Variants in HPN observed in about 807,000 individuals in gnomAD.
HPN encodes the protein serine protease hepsin.
A neutral mutation model predicts 55.9 loss-of-function variants in HPN; 13 were observed. The ratio of observed to expected loss-of-function variants is 0.23; its 90% CI spans 0.15 to 0.37. The LOEUF is 0.37. Among genes scored for constraint, HPN ranks in the 10% least tolerant of loss-of-function variants. The pLI is 1.00. For missense variants in HPN, 451 were observed against 575.8 expected (o/e 0.78, Z 2.22); for synonymous variants, 225 against 240.3 (o/e 0.94, Z 0.59).
At chr19:35,053,398 A>AC (rs898928273) in intron 4 of HPN, among the ~76,000 whole-genome samples, 31 of 152,056 alleles carry the variant, frequency 2.0e-4, no homozygotes, top group East Asian at 5.8e-4. Context: ...GGTGATGAGG[A>AC]CCCCCCAGCT....
intron 4 of HPN, among the ~76,000 whole-genome samples, chr19:35,054,927 G>A (rs778342974): frequency 2.0e-5 from 3 of 152,110 alleles, no homozygotes; most frequent in Non-Finnish European, 2.9e-5. Flanking sequence ...GCCTCACCAG[G>A]TTCCTTCTAA....
At position 35,059,896 on chromosome 19, in the gene HPN, G is replaced by C; in HGVS notation, c.313G>C (p.Asp105His). 1 of 1,510,264 alleles carries C rather than the reference G, an allele frequency of 6.6e-7. No individual in the cohort carries two copies. The highest frequency in any genetic ancestry group is 8.9e-7 in the Non-Finnish European group (1 of 1,129,666). 93.6% of individuals were successfully genotyped at this position (1,510,264 alleles called of 1,614,324 possible). ...CAGGGCACTGACCCACTCCGAGCTGGACGTGCGAACGGCGGGCGCCAATGG... is the reference window on the plus strand; with the variant it reads ...CAGGGCACTGACCCACTCCGAGCTGCACGTGCGAACGGCGGGCGCCAATGG... ...FLRALTHSEL[D>H]VRTAGANGTS... Residue 105 changes from aspartate (D) to histidine (H), a missense_variant, in exon 6 of 13, where the codon GAC becomes CAC. By Grantham distance (81) the Asp-to-His change is moderately conservative. Around this residue, in one of 2 missense-constraint regions of HPN, gnomAD observed 378 missense variants for 445.5 expected, o/e 0.85. Coordinates refer to ENST00000672452, the MANE Select transcript of HPN (RefSeq NM_001384133.1).
chr19:35,052,933 G>A (rs751517991), intron 4 of HPN, among the ~76,000 whole-genome samples: 19 of 152,290 alleles, frequency 1.2e-4, no homozygotes, highest in Non-Finnish European at 1.9e-4. Flanking sequence ...GCACCACGCC[G>A]CCACCCTGCA....
chr19:35,065,961 G>C lies in HPN; in HGVS notation c.1144G>C (p.Ala382Pro). ...CATTGTGAGTTGGGGCACTGGCTGT[G>C]CCCTGGCCCAGAAGCCAGGCGTCTA... is the stretch of plus-strand genomic sequence containing the variant. ...CGIVSWGTGC[A>P]LAQKPGVYTK... The change falls in exon 12 of 13, where the codon GCC (alanine) becomes CCC (proline). Residue 382 changes from alanine to proline, a missense_variant. Physicochemically the swap from Ala to Pro is conservative, Grantham distance 27. This residue lies in a region of HPN where 73 missense variants were observed against 130.3 expected (regional missense o/e 0.56). Coordinates refer to ENST00000672452, the MANE Select transcript of HPN (RefSeq NM_001384133.1). 6.2e-7 allele frequency: 1 copy of C among 1,613,750 alleles called. No homozygotes were observed. The highest frequency in any genetic ancestry group is 8.5e-7 in the Non-Finnish European group (1 of 1,180,030).
In HPN at chr19:35,066,236, T is replaced by C. The variant is rs2064607870; in HGVS notation, c.1216-13T>C. 6.2e-7 allele frequency: 1 copy of C among 1,613,916 alleles called. No homozygotes were observed. The highest frequency in any genetic ancestry group is 1.7e-5 in the Admixed American group (1 of 59,994). Reference sequence around the variant, plus strand: ...CTCTCAGACCTCGGGAGCCCCCAGCTGTCTTTCCCCAGACTCACTCCGAAG... The same window carrying C: ...CTCTCAGACCTCGGGAGCCCCCAGCCGTCTTTCCCCAGACTCACTCCGAAG... On this transcript the variant is annotated splice_polypyrimidine_tract_variant and intron_variant, in intron 12 of 12. Transcript: ENST00000672452.
chr19:35,051,770 G>A (rs1013693865), intron 4 of HPN, among the ~76,000 whole-genome samples: 3 of 152,138 alleles, frequency 2.0e-5, no homozygotes, highest in African/African-American at 7.2e-5. Flanking sequence ...TTACCCAGCA[G>A]GCCTATGAAG....
At chr19:35,064,965 G>A (rs892844812) in intron 9 of HPN, among the ~76,000 whole-genome samples, 1 of 152,124 alleles carries the variant, frequency 6.6e-6, no homozygotes, top group Non-Finnish European at 1.5e-5. Flanking sequence ...GGGATTACAG[G>A]TGCGTGCCAC....
intron 2 of HPN, among the ~76,000 whole-genome samples, chr19:35,043,621 A>C (rs2064315162): frequency 6.6e-6 from 1 of 152,172 alleles, no homozygotes. Flanking sequence ...ATTAGTTCAG[A>C]TCTCTGGCCT....
intron 4 of HPN, 46 bp downstream of exon 4, chr19:35,049,562 C>CGTGT (rs749474169): frequency 6.5e-7 from 1 of 1,539,838 alleles, no homozygotes; most frequent in South Asian, 1.2e-5. Flanking sequence ...CTGGAGGACA[C>CGTGT]GTGTATCTGG....
chr19:35,043,111 C>T (rs1239808761), intron 2 of HPN, among the ~76,000 whole-genome samples: 1 of 152,146 alleles, frequency 6.6e-6, no homozygotes, highest in Non-Finnish European at 1.5e-5. Flanking sequence ...CCCAGAGACC[C>T]AGGACCCCCA....
chr19:35,064,715 T>C (rs974750438), intron 9 of HPN, among the ~76,000 whole-genome samples: 1 of 152,148 alleles, frequency 6.6e-6, no homozygotes, highest in African/African-American at 2.4e-5. Flanking sequence ...TGGGATAATA[T>C]AGACCCTACC....
intron 2 of HPN, among the ~76,000 whole-genome samples, chr19:35,043,834 G>A (rs1451048362): frequency 1.3e-5 from 2 of 152,254 alleles, no homozygotes; most frequent in Non-Finnish European, 2.9e-5. Context: ...GGGTGAATGA[G>A]CCAGGGAAGA....
At position 35,060,670 on chromosome 19, in the gene HPN, G is replaced by A. The variant is rs141619716; in HGVS notation, c.664G>A (p.Val222Met). 133 of 1,614,028 alleles carry A rather than the reference G, an allele frequency of 8.2e-5. No individual in the cohort carries two copies. Among genetic ancestry groups the A allele is most frequent in the Non-Finnish European group, 1.0e-4 (122 of 1,180,048 alleles). Residue 222 changes from valine (V) to methionine (M), a missense_variant, in exon 9 of 13, where the codon GTG becomes ATG. This residue lies in a region of HPN where 378 missense variants were observed against 445.5 expected (regional missense o/e 0.85). Transcript: ENST00000672452. ...LSRWRVFAGA[V>M]AQASPHGLQL... ...CCGATGGCGAGTGTTTGCCGGTGCC[G>A]TGGCCCAGGCCTCTCCCCACGGTCT...
chr19:35,053,511 G>A (rs187248365), intron 4 of HPN, among the ~76,000 whole-genome samples: 3 of 152,120 alleles, frequency 2.0e-5, no homozygotes, highest in South Asian at 2.1e-4. Context: ...AGCACTTTGG[G>A]AGGCCCAAAT....
rs370684730 is a variant in HPN, at chr19:35,056,674, A to G, written c.161-2999A>G. Among the ~76,000 whole-genome samples, 372 of 152,212 alleles carry G rather than the reference A, an allele frequency of 2.4e-3. 1 individual carries two copies. The highest frequency in any genetic ancestry group is 8.5e-3 in the African/African-American group (351 of 41,524). The stretch of plus-strand genomic sequence containing the variant: ...TTTGGCTGGGTGACATTTTATGGCC[A>G]TCTGTCTCCCTATCCCCTATAATGT... On this transcript the variant is annotated intron_variant, in intron 4 of 12. Coordinates refer to ENST00000672452, the MANE Select transcript of HPN (RefSeq NM_001384133.1).
At chr19:35,059,573 C>A in intron 4 of HPN, 100 bp from the exon 5 acceptor site, 1 of 1,462,336 alleles carries the variant, frequency 6.8e-7, no homozygotes, top group Non-Finnish European at 9.3e-7. Flanking sequence ...ACGTCTACAC[C>A]ACATGGCTGG....
intron 11 of HPN, 45 bp from the exon 12 acceptor site, chr19:35,065,823 T>A (rs763958561): frequency 1.2e-6 from 2 of 1,610,202 alleles, no homozygotes; most frequent in African/African-American, 1.3e-5. Flanking sequence ...GGGCCTCCTG[T>A]CCAACCACTT....
In HPN at chr19:35,060,229, A is replaced by G. The variant is rs747333074; in HGVS notation, c.454+60A>G. 3 of 1,608,762 alleles carry G rather than the reference A, an allele frequency of 1.9e-6. No individual in the cohort carries two copies. In the South Asian group the frequency reaches 3.3e-5, roughly 18 times the overall value. ...GCCCTTGGGGAGGCCACGTCCCCTC[A>G]AGCTCCCCAGGATGGGGCCATGTAC... is the stretch of plus-strand genomic sequence containing the variant. On this transcript the variant is annotated intron_variant, in intron 7 of 12. Transcript: ENST00000672452.
intron 2 of HPN, 49 bp from the exon 3 acceptor site, chr19:35,049,241 C>G: frequency 1.4e-6 from 2 of 1,381,246 alleles, no homozygotes; most frequent in Non-Finnish European, 1.9e-6. Flanking sequence ...CAGACCCTGC[C>G]GCAATGAGGA....
Sources: allele counts gnomAD v4.1 joint callset (sites outside exome capture counted in the v4.1 genomes callset), GRCh38; gene constraint gnomAD v4.1.1; regional missense constraint gnomAD v4.1.1; transcripts MANE v1.5; gene names NCBI Gene and HGNC (gene_info 2026-07-23, HGNC 2026-07-21).